The following HNRNPU variants were observed in gnomAD, a reference collection of about 807,000 sequenced individuals.
The protein encoded by HNRNPU is HNRNPU antisense RNA 1.
In HNRNPU, 5 loss-of-function variants were observed where a neutral mutation model predicts 94.7. The observed-to-expected ratio is 0.05, with a 90% CI of 0.03 to 0.11. The LOEUF (loss-of-function observed/expected upper bound fraction) is 0.11, where lower values mean the gene tolerates loss of function less well. Ranked by LOEUF, HNRNPU falls within the 10% of genes least tolerant of loss-of-function variation. HNRNPU has a pLI of 1.00. For missense variants in HNRNPU, 710 were observed against 1,049.2 expected (o/e 0.68, Z 4.47); for synonymous variants, 434 against 381.6 (o/e 1.14, Z -1.60).
chr1:244,859,793 A>T, intron 4 of HNRNPU: 1 of 157,638 alleles, frequency 6.3e-6, no homozygotes. Context: ...AAGTTCTAAC[A>T]TAACAACCGT....
chr1:244,863,000 T>A (rs1385386088), intron 1 of HNRNPU: 4 of 437,940 alleles, frequency 9.1e-6, no homozygotes, highest in African/African-American at 8.2e-5. Flanking sequence ...CCCACGTGTA[T>A]CCCGAAGAGA....
At chr1:244,855,650 C>A (rs772544757) in intron 11 of HNRNPU, 42 bp from the exon 12 acceptor site, 1 of 1,573,556 alleles carries the variant, frequency 6.4e-7, no homozygotes, top group South Asian at 1.1e-5. Context: ...TATATTGTAC[C>A]CTACTTATAC....
chr1:244,854,414 T>G lies in HNRNPU; in HGVS notation c.*36A>C. ...AACAGTCGACTTCTTGTGAAGGTTT[T>G]GGAGAAATATGTATCAGTTCGTTTT... On this transcript the variant is annotated 3_prime_UTR_variant, in exon 14 of 14. Coordinates refer to ENST00000640218, the MANE Select transcript of HNRNPU (RefSeq NM_031844.3). 7.3e-7 allele frequency: 1 copy of G among 1,372,910 alleles called. No individual in the cohort carries two copies. The highest frequency in any genetic ancestry group is 1.0e-6 in the Non-Finnish European group (1 of 963,344). The allele number at this position is 1,372,910 out of a possible 1,614,324, so 85.0% of individuals were successfully genotyped here.
rs2102987111 is a variant in HNRNPU at position 244,858,749 on chromosome 1, C to T, written c.1210G>A (p.Asp404Asn). 6.3e-7 allele frequency: 1 copy of T among 1,581,564 alleles called. No homozygotes were observed. Residue 404 changes from aspartate (D) to asparagine (N), a missense_variant, in exon 6 of 14, where the codon GAT (aspartate) becomes AAT (asparagine). Transcript: ENST00000640218. The stretch of plus-strand genomic sequence containing the variant: ...CTTACAGCAAAACATGTAATCACAT[C>T]ATTTTCATCAAACTTTTCTCCATAA... The part of the protein sequence containing the change: ...EDYGEKFDEN[D>N]VITCFANFES...
chr1:244,859,207 T>C (rs1680761788), intron 5 of HNRNPU, 68 bp downstream of exon 5: 3 of 820,796 alleles, frequency 3.7e-6, no homozygotes, highest in Non-Finnish European at 2.1e-6. Flanking sequence ...TGCCCTCTAG[T>C]TAAAAAACAC....
rs768082015 is a variant in HNRNPU, at chr1:244,858,233, A to G, written c.1272T>C (p.Asn424=). 5.0e-6 allele frequency: 8 copies of G among 1,613,898 alleles called. No individual in the cohort carries two copies. The Admixed American group carries it at 8.3e-5, about 17-fold the overall frequency. ...SDEVELSYAK[N]GQDLGVAFKI... is the part of the protein sequence containing the mutation. ...TGAAGGCAACGCCAAGATCTTGTCC[A>G]TTCTTAGCATACGAGAGTTCTACTT... The change falls in exon 7 of 14, where the codon AAT becomes AAC. Residue 424 remains asparagine (N), a synonymous_variant. Transcript: ENST00000640218.
intron 3 of HNRNPU, chr1:244,861,213 G>C (rs1680817029): frequency 6.6e-6 from 1 of 152,080 alleles, no homozygotes; most frequent in African/African-American, 2.4e-5. Context: ...TCTTTTTACT[G>C]ATCAGAGAAA....
rs559745307 is a variant in HNRNPU, at chr1:244,851,221, CTAAGA to C, written c.*3224_*3228del. ...AATGCTAAACACTACCACTTGGACTCTAAGATATGTTTATGCCTCTCTGTTTATTC... is the reference window on the plus strand; with the variant it reads ...AATGCTAAACACTACCACTTGGACTCTATGTTTATGCCTCTCTGTTTATTC... On this transcript the variant is annotated 3_prime_UTR_variant, in exon 14 of 14. Transcript: ENST00000640218. 5.0e-4 allele frequency: 76 copies of C among 152,292 alleles called. No homozygotes were observed. Among genetic ancestry groups the C allele is most frequent in the African/African-American group, 1.8e-3 (75 of 41,566 alleles). 9.4% of individuals were successfully genotyped at this position (152,292 alleles called of 1,614,324 possible).
chr1:244,856,772 T>C lies in HNRNPU; in HGVS notation c.1699A>G (p.Ile567Val). The C allele has an allele frequency of 6.2e-7, 1 of 1,612,486 alleles. No homozygotes were observed. The highest frequency in any genetic ancestry group is 1.1e-5 in the South Asian group (1 of 90,494). Reference protein sequence around the residue: ...QRAPQCLGKFIEIAARKKRNF... With the variant: ...QRAPQCLGKFVEIAARKKRNF... ...CGCTTCTTTCGGGCAGCAATCTCAA[T>C]AAATTTCCCAAGACACTGGGGGGCT... Residue 567 changes from isoleucine to valine, a missense_variant, in exon 9 of 14, where the codon ATT becomes GTT. By Grantham distance (29) the Ile-to-Val change is conservative. Coordinates refer to ENST00000640218, the MANE Select transcript of HNRNPU (RefSeq NM_031844.3).
At position 244,864,126 on chromosome 1, in the gene HNRNPU, T is replaced by C. The variant is rs1317607352; in HGVS notation, c.182A>G (p.Asp61Gly). The C allele has an allele frequency of 6.3e-7, 1 of 1,599,434 alleles. No homozygotes were observed. Among genetic ancestry groups the C allele is most frequent in the South Asian group, 1.1e-5 (1 of 89,614 alleles). ...GCGCCCAGCGGAATCCCCGCCCAGGTCTAGGCTGCCGTTCCCGGGCTCCAT... is the reference window on the plus strand; with the variant it reads ...GCGCCCAGCGGAATCCCCGCCCAGGCCTAGGCTGCCGTTCCCGGGCTCCAT... ...PAMEPGNGSL[D>G]LGGDSAGRSG... is the part of the protein sequence containing the mutation. The change falls in exon 1 of 14, where the codon GAC (aspartate) becomes GGC (glycine). Residue 61 changes from aspartate to glycine, a missense_variant. Physicochemically the swap from Asp to Gly is moderately conservative, Grantham distance 94. Coordinates refer to ENST00000640218, the MANE Select transcript of HNRNPU (RefSeq NM_031844.3).
At chr1:244,857,832 G>T in intron 7 of HNRNPU, 115 bp from the exon 8 acceptor site, 1 of 1,405,814 alleles carries the variant, frequency 7.1e-7, no homozygotes, top group Non-Finnish European at 9.7e-7. Flanking sequence ...TACACTAACG[G>T]ACAAAAATTT....
At chr1:244,855,113 G>T in intron 12 of HNRNPU, 69 bp from the exon 13 acceptor site, 2 of 1,257,790 alleles carry the variant, frequency 1.6e-6, no homozygotes, top group Non-Finnish European at 1.2e-6. Context: ...GGGTGAGAGA[G>T]AGGAGCAGAA....
At chr1:244,861,144 T>G (rs1033650715) in intron 3 of HNRNPU, 2 of 152,234 alleles carry the variant, frequency 1.3e-5, no homozygotes, top group African/African-American at 4.8e-5. Context: ...ACTGGCTCAT[T>G]AACATGCACT....
chr1:244,859,290 T>C lies in HNRNPU; in HGVS notation c.1102A>G (p.Ser368Gly). 4 of 1,564,486 alleles carry C rather than the reference T, an allele frequency of 2.6e-6. No homozygotes were observed. The highest frequency in any genetic ancestry group is 3.5e-6 in the Non-Finnish European group (4 of 1,135,060). The change falls in exon 5 of 14, where the codon AGT (serine) becomes GGT (glycine). Residue 368 changes from serine to glycine, a missense_variant. By Grantham distance (56) the Ser-to-Gly change is moderately conservative. Around this residue, in one of 8 missense-constraint regions of HNRNPU, gnomAD observed 150 missense variants for 187.9 expected, o/e 0.80. Transcript: ENST00000640218. ...GAAGCTTTACCAAGTAACATTCCAC[T>C]TGTAGTTAGTGACCAGCCAATACGA... ...EVRIGWSLTT[S>G]GMLLGEEEFS...
Position 244,855,961 on chromosome 1 carries a change from C to T in HNRNPU, c.2110G>A (p.Gly704Ser). ...AATCCTCCACGTCCTCTATGGCCAC[C>T]ACCTCTGTTAAACTGGTTCTTGCCA... ...KSGKNQFNRG[G>S]GHRGRGGFNM... The change falls in exon 11 of 14, where the codon GGT becomes AGT. Residue 704 changes from glycine (G) to serine (S), a missense_variant. Gly to Ser is a moderately conservative substitution (Grantham distance 56). Transcript: ENST00000640218. 1.2e-6 allele frequency: 2 copies of T among 1,614,128 alleles called. No individual in the cohort carries two copies. Among genetic ancestry groups the T allele is most frequent in the East Asian group, 4.5e-5 (2 of 44,870 alleles).
intron 10 of HNRNPU, 56 bp downstream of exon 10, chr1:244,856,401 A>G (rs1030097162): frequency 5.2e-6 from 8 of 1,530,110 alleles, no homozygotes; most frequent in Admixed American, 1.9e-5. Flanking sequence ...AATATGTAGG[A>G]AAAACATTCT....
intron 13 of HNRNPU, 69 bp from the exon 14 acceptor site, chr1:244,854,572 A>G: frequency 1.0e-6 from 1 of 996,620 alleles, no homozygotes; most frequent in East Asian, 2.4e-5. Flanking sequence ...TTAGGAAATG[A>G]CAATGAATCT....
At chr1:244,863,130 TC>T (rs1680889778) in intron 1 of HNRNPU, 1 of 48,850 alleles carries the variant, frequency 2.0e-5, no homozygotes, top group East Asian at 5.5e-4. Context: ...GCCCGGCTCC[TC>T]CCGCCGGAAG....
At position 244,851,880 on chromosome 1, in the gene HNRNPU, G is replaced by C. The variant is rs1210460301; in HGVS notation, c.*2570C>G. On this transcript the variant is annotated 3_prime_UTR_variant, in exon 14 of 14. Transcript: ENST00000640218. ...TCATAGCTATCTCATAGCAGTTTTAGTTTTCTCAAATTCTATGCTGTTTTT... is the reference window on the plus strand; with the variant it reads ...TCATAGCTATCTCATAGCAGTTTTACTTTTCTCAAATTCTATGCTGTTTTT... 6.6e-6 allele frequency: 1 copy of C among 152,152 alleles called. No individual in the cohort carries two copies. The highest frequency in any genetic ancestry group is 1.5e-5 in the Non-Finnish European group (1 of 68,038). 9.4% of individuals were successfully genotyped at this position (152,152 alleles called of 1,614,324 possible).
Sources: gnomAD v4.1 joint callset for allele counts on GRCh38, gnomAD v4.1.1 for gene constraint, gnomAD v4.1.1 regional missense constraint, MANE v1.5 for transcripts, NCBI Gene and HGNC (gene_info 2026-07-23, HGNC 2026-07-21) for gene names.